The following SMURF1 variants were observed in gnomAD, a reference collection of about 807,000 sequenced individuals.
SMURF1 encodes the protein SMAD specific E3 ubiquitin protein ligase 1.
A neutral mutation model predicts 98.0 loss-of-function variants in SMURF1; 44 were observed. That is an observed-to-expected ratio of 0.45 (90% CI 0.35 to 0.58). The LOEUF is 0.58. Ranked by LOEUF, SMURF1 falls within the 20% of genes least tolerant of loss-of-function variation. The pLI is 0.00. For synonymous variants in SMURF1, 396 were observed against 374.9 expected (o/e 1.06, Z -0.65); for missense variants, 687 against 938.4 (o/e 0.73, Z 3.50).
At chr7:99,095,431 G>A (rs1442414132) in intron 1 of SMURF1, among the ~76,000 whole-genome samples, 6 of 152,276 alleles carry the variant, frequency 3.9e-5, no homozygotes, top group Middle Eastern at 3.4e-3. Context: ...GCCACACTGA[G>A]ATGCCTGCTT....
intron 1 of SMURF1, among the ~76,000 whole-genome samples, chr7:99,139,542 T>A (rs1240948935): frequency 6.6e-6 from 1 of 152,188 alleles, no homozygotes; most frequent in African/African-American, 2.4e-5. Context: ...TTACCCAAAG[T>A]GGCCTAAACA....
At chr7:99,143,123 G>GGCAGGT (rs1798169680) in intron 1 of SMURF1, among the ~76,000 whole-genome samples, 1 of 148,478 alleles carries the variant, frequency 6.7e-6, no homozygotes, top group Non-Finnish European at 1.5e-5. Flanking sequence ...GAAGCGAGGG[G>GGCAGGT]GCGGGGACAG....
At chr7:99,034,990 G>A (rs1297009365) in intron 16 of SMURF1, among the ~76,000 whole-genome samples, 1 of 152,212 alleles carries the variant, frequency 6.6e-6, no homozygotes, top group Non-Finnish European at 1.5e-5. Context: ...TGTAAAAGAT[G>A]AGACATTAGG....
intron 10 of SMURF1, 127 bp downstream of exon 10, chr7:99,047,557 G>T: frequency 1.1e-6 from 1 of 931,176 alleles, no homozygotes; most frequent in Non-Finnish European, 1.6e-6. Context: ...TCCCTGAAAC[G>T]CAGACATCAC....
chr7:99,138,552 A>G (rs774520550), intron 1 of SMURF1, among the ~76,000 whole-genome samples: 5 of 152,348 alleles, frequency 3.3e-5, no homozygotes, highest in South Asian at 2.1e-4. Flanking sequence ...AAAACCCAAC[A>G]TTCAGAAAGG....
At chr7:99,103,952 G>A (rs1797142474) in intron 1 of SMURF1, among the ~76,000 whole-genome samples, 1 of 151,690 alleles carries the variant, frequency 6.6e-6, no homozygotes, top group African/African-American at 2.4e-5. Context: ...GAATGCAGTG[G>A]TGCGATCTCA....
In SMURF1 at chr7:99,110,055, T is replaced by G. The variant is rs1013658669; in HGVS notation, c.55+33671A>C. ...AATAAAAAATGAGGTCCTGAAACAT[T>G]GTTCATTGATATGATTATCAGGAAA... On this transcript the variant is annotated intron_variant, in intron 1 of 17. Transcript: ENST00000361368. 2.6e-5 allele frequency among the ~76,000 whole-genome samples: 4 copies of G among 152,192 alleles called. No individual in the cohort carries two copies. The East Asian group carries it at 7.7e-4, about 29-fold the overall frequency.
At chr7:99,127,356 G>A (rs910056731) in intron 1 of SMURF1, among the ~76,000 whole-genome samples, 1 of 151,864 alleles carries the variant, frequency 6.6e-6, no homozygotes, top group African/African-American at 2.4e-5. Flanking sequence ...AAAGGAAGAG[G>A]CATTTTAAAA....
chr7:99,029,201 C>G lies in SMURF1; in HGVS notation c.*1383G>C, dbSNP rs555940291. Reference sequence around the variant, plus strand: ...AGAGACTTCGACAGCAGTGAAATGTCTTGCTCATGAATTACCCTGTACTTG... The same window carrying G: ...AGAGACTTCGACAGCAGTGAAATGTGTTGCTCATGAATTACCCTGTACTTG... On this transcript the variant is annotated 3_prime_UTR_variant, in exon 18 of 18. Coordinates refer to ENST00000361368, the MANE Select transcript of SMURF1 (RefSeq NM_181349.3). The G allele has an allele frequency of 6.5e-6, 1 of 152,832 alleles. No homozygotes were observed. The highest frequency in any genetic ancestry group is 2.1e-4 in the South Asian group (1 of 4,826). 9.5% of individuals were successfully genotyped at this position (152,832 alleles called of 1,614,324 possible).
chr7:99,132,772 A>T (rs115312189), intron 1 of SMURF1, among the ~76,000 whole-genome samples: 1,794 of 151,764 alleles, frequency 0.012, 35 homozygotes, highest in African/African-American at 0.042. Context: ...TAAACTCGCC[A>T]CATTTGAGGA....
At chr7:99,038,261 A>G in intron 14 of SMURF1, 127 bp downstream of exon 14, 3 of 1,166,214 alleles carry the variant, frequency 2.6e-6, no homozygotes, top group Non-Finnish European at 3.6e-6. Flanking sequence ...GCCTCTGTTC[A>G]TGTGATCTGA....
chr7:99,061,406 GT>G (rs1796031863), intron 2 of SMURF1, among the ~76,000 whole-genome samples: 1 of 152,222 alleles, frequency 6.6e-6, no homozygotes, highest in African/African-American at 2.4e-5. Context: ...ATTATAGGGT[GT>G]TGTAAATGTG....
chr7:99,063,275 A>T (rs867141364), intron 1 of SMURF1, among the ~76,000 whole-genome samples: 3,272 of 20,626 alleles, frequency 0.16, 459 homozygotes, highest in Middle Eastern at 0.3. Context: ...ATATATATAT[A>T]TATATATATA....
intron 2 of SMURF1, among the ~76,000 whole-genome samples, chr7:99,061,082 C>G (rs1190373820): frequency 1.3e-5 from 2 of 152,116 alleles, no homozygotes; most frequent in African/African-American, 4.8e-5. Flanking sequence ...TTCGGTAAGT[C>G]CCTAAATGCT....
At chr7:99,113,734 G>A (rs1797375627) in intron 1 of SMURF1, among the ~76,000 whole-genome samples, 1 of 149,452 alleles carries the variant, frequency 6.7e-6, no homozygotes, top group South Asian at 2.1e-4. Context: ...AGCTACTTAG[G>A]AGGCTGAGGC....
At chr7:99,128,332 C>T (rs989531718) in intron 1 of SMURF1, among the ~76,000 whole-genome samples, 2 of 152,246 alleles carry the variant, frequency 1.3e-5, no homozygotes, top group African/African-American at 4.8e-5. Context: ...ATGACGCAGT[C>T]AGTAAACAGG....
intron 5 of SMURF1, among the ~76,000 whole-genome samples, chr7:99,056,349 C>T (rs1795875466): frequency 6.6e-6 from 1 of 151,944 alleles, no homozygotes; most frequent in Non-Finnish European, 1.5e-5. Flanking sequence ...AACACTAATA[C>T]AAGTGGGTGG....
chr7:99,090,893 C>CCTCT (rs1796793855), intron 1 of SMURF1, among the ~76,000 whole-genome samples: 2 of 152,152 alleles, frequency 1.3e-5, no homozygotes, highest in African/African-American at 4.8e-5. Flanking sequence ...TGTAATCCTA[C>CCTCT]AGAGAAGTTA....
chr7:99,104,864 T>C (rs1175763708), intron 1 of SMURF1, among the ~76,000 whole-genome samples: 1 of 152,240 alleles, frequency 6.6e-6, no homozygotes, highest in Admixed American at 6.5e-5. Context: ...TGTTTGCCTA[T>C]GACCAGGATG....
Sources: gnomAD v4.1 joint callset for allele counts (sites outside exome capture counted in the v4.1 genomes callset) on GRCh38, gnomAD v4.1.1 for gene constraint, MANE v1.5 for transcripts, NCBI Gene and HGNC (gene_info 2026-07-23, HGNC 2026-07-21) for gene names.